SLC25A16: variants seen among roughly 807,000 people sequenced by gnomAD.
The protein encoded by SLC25A16 is mitochondrial coenzyme A transporter SLC25A16.
SLC25A16 carries 39 observed loss-of-function variants against 41.5 expected under a neutral mutation model. The ratio of observed to expected loss-of-function variants is 0.94; its 90% CI spans 0.73 to 1.23. SLC25A16 has a LOEUF of 1.23. SLC25A16 is among the 50% of genes most tolerant of loss of function. The pLI, the probability that SLC25A16 is intolerant of heterozygous loss-of-function variation, is 0.00. For missense variants in SLC25A16, 421 were observed against 426.9 expected (o/e 0.99, Z 0.12); for synonymous variants, 146 against 147.8 (o/e 0.99, Z 0.09).
chr10:68,500,199 A>T (rs1216086184), intron 4 of SLC25A16, among the ~76,000 whole-genome samples: 1 of 152,216 alleles, frequency 6.6e-6, no homozygotes, highest in Non-Finnish European at 1.5e-5. Flanking sequence ...AAAATTTCCA[A>T]AGTTACATTT....
At chr10:68,486,956 CAAAAAAAAAAAA>C (rs374368406) in intron 8 of SLC25A16, 176 bp downstream of exon 8, 18 of 103,112 alleles carry the variant, frequency 1.7e-4, no homozygotes, top group African/African-American at 3.0e-4. Flanking sequence ...GACTGCATCT[CAAAAAAAAAAAA>C]AAAAAAAAAA....
chr10:68,502,053 G>A (rs561517870), intron 4 of SLC25A16, among the ~76,000 whole-genome samples: 110 of 151,954 alleles, frequency 7.2e-4, no homozygotes, highest in Non-Finnish European at 1.3e-3. Flanking sequence ...AAAATCAGCC[G>A]GGCATGGTGG....
chr10:68,520,736 C>CTT (rs1293111917), intron 1 of SLC25A16, among the ~76,000 whole-genome samples: 5 of 142,942 alleles, frequency 3.5e-5, no homozygotes, highest in East Asian at 4.2e-4. Context: ...TGCTTGAATC[C>CTT]AGGAGGCAGA....
chr10:68,499,853 G>A, intron 4 of SLC25A16: 1 of 525,718 alleles, frequency 1.9e-6, no homozygotes, highest in Non-Finnish European at 3.6e-6. Context: ...GTTCTCACTA[G>A]GATAAAACTG....
intron 1 of SLC25A16, among the ~76,000 whole-genome samples, chr10:68,522,611 C>G (rs1226964812): frequency 6.6e-6 from 1 of 152,040 alleles, no homozygotes; most frequent in Non-Finnish European, 1.5e-5. Flanking sequence ...GTCAGGAGAT[C>G]AAGACCATCC....
chr10:68,526,867 C>T (rs2053345996), intron 1 of SLC25A16, among the ~76,000 whole-genome samples: 1 of 152,056 alleles, frequency 6.6e-6, no homozygotes, highest in Admixed American at 6.6e-5. Context: ...AAGCAAACAG[C>T]AAAATCCAAG....
At chr10:68,504,339 A>C (rs2052913228) in intron 3 of SLC25A16, among the ~76,000 whole-genome samples, 1 of 151,220 alleles carries the variant, frequency 6.6e-6, no homozygotes. Context: ...TTATTTTTTA[A>C]ATGCTCTATA....
rs771285288 is a variant in SLC25A16 at position 68,527,298 on chromosome 10, T to A, written c.78A>T (p.Gly26=). ...PPAMPQAAGA[G]GPTTRRDFYW... ...AGAAGTCTCTGCGGGTTGTGGGCCC[T>A]CCGGCCCCTGCCGCCTGCGGCATTG... is the stretch of plus-strand genomic sequence containing the variant. The change falls in exon 1 of 9, where the codon GGA becomes GGT. Residue 26 remains glycine (G), a synonymous_variant. Coordinates refer to ENST00000609923, the MANE Select transcript of SLC25A16 (RefSeq NM_152707.4). 17 of 1,546,176 alleles carry A rather than the reference T, an allele frequency of 1.1e-5. No homozygotes were observed. The highest frequency in any genetic ancestry group is 1.5e-5 in the Non-Finnish European group (17 of 1,145,152).
intron 1 of SLC25A16, chr10:68,518,328 GA>G (rs750695131): frequency 6.6e-5 from 10 of 151,472 alleles, no homozygotes; most frequent in African/African-American, 1.2e-4. Flanking sequence ...CGAGGAAGAA[GA>G]ATCTCTTGAA....
chr10:68,520,160 T>C (rs984961626), intron 1 of SLC25A16, among the ~76,000 whole-genome samples: 9 of 150,680 alleles, frequency 6.0e-5, no homozygotes, highest in African/African-American at 4.9e-5. Flanking sequence ...GGTTTCACCA[T>C]GTTGGCCAGA....
chr10:68,524,839 T>C (rs1008294315), intron 1 of SLC25A16, among the ~76,000 whole-genome samples: 1 of 151,012 alleles, frequency 6.6e-6, no homozygotes, highest in African/African-American at 2.4e-5. Flanking sequence ...ATCGTGCCGC[T>C]GCACTCCAGC....
intron 2 of SLC25A16, among the ~76,000 whole-genome samples, chr10:68,514,382 G>C (rs1195680460): frequency 6.6e-6 from 1 of 152,068 alleles, no homozygotes; most frequent in Non-Finnish European, 1.5e-5. Context: ...TATAGTCCCA[G>C]CCACTCAGGA....
rs1255799365 is a variant in SLC25A16 at position 68,517,354 on chromosome 10, C to G, written c.131-511G>C. ...TCAGCAAATATGTATTTCGACCCTA[C>G]CATGTGCCACTGGGGAAAAGTATAG... On this transcript the variant is annotated intron_variant, in intron 1 of 8. Transcript: ENST00000609923. 4 of 535,418 alleles carry G rather than the reference C, an allele frequency of 7.5e-6. No homozygotes were observed. In the African/African-American group the frequency reaches 8.3e-5, roughly 11 times the overall value. The allele number at this position is 535,418 out of a possible 1,614,324, so 33.2% of individuals were successfully genotyped here.
At chr10:68,500,499 G>C (rs912647913) in intron 4 of SLC25A16, among the ~76,000 whole-genome samples, 1 of 151,828 alleles carries the variant, frequency 6.6e-6, no homozygotes, top group Non-Finnish European at 1.5e-5. Flanking sequence ...CTACAGACAG[G>C]GTTTCACCAT....
chr10:68,517,859 T>C (rs1414378222), intron 1 of SLC25A16: 1 of 150,592 alleles, frequency 6.6e-6, no homozygotes, highest in African/African-American at 2.5e-5. Flanking sequence ...TAGTCCCAGC[T>C]ATTTGGGAGG....
intron 1 of SLC25A16, among the ~76,000 whole-genome samples, chr10:68,519,786 A>G (rs937136877): frequency 1.3e-5 from 2 of 150,486 alleles, no homozygotes; most frequent in African/African-American, 4.9e-5. Context: ...GTGGTGGCAC[A>G]TGCTTATAAT....
chr10:68,522,056 G>C (rs954599024), intron 1 of SLC25A16, among the ~76,000 whole-genome samples: 1 of 151,882 alleles, frequency 6.6e-6, no homozygotes, highest in Non-Finnish European at 1.5e-5. Context: ...CCAGCTAATC[G>C]GGAGGTTGAG....
chr10:68,518,017 C>T (rs1361523721), intron 1 of SLC25A16: 2 of 151,984 alleles, frequency 1.3e-5, no homozygotes, highest in African/African-American at 4.8e-5. Flanking sequence ...CCTCAGTACT[C>T]AGAGACTAAG....
intron 6 of SLC25A16, among the ~76,000 whole-genome samples, chr10:68,491,374 TG>T (rs776963393): frequency 1.3e-5 from 2 of 151,986 alleles, no homozygotes; most frequent in Non-Finnish European, 2.9e-5. Flanking sequence ...TACAGGCATG[TG>T]CGACCACGCC....
Sources: gnomAD v4.1 joint callset for allele counts (sites outside exome capture counted in the v4.1 genomes callset) on GRCh38, gnomAD v4.1.1 for gene constraint, MANE v1.5 for transcripts, NCBI Gene and HGNC (gene_info 2026-07-23, HGNC 2026-07-21) for gene names.